Variants in PPME1 observed in about 807,000 individuals in gnomAD.
PPME1 encodes the protein testicular secretory protein Li 39.
A neutral mutation model predicts 56.9 loss-of-function variants in PPME1; 17 were observed. The observed-to-expected ratio is 0.30, with a 90% CI of 0.20 to 0.45. PPME1 has a LOEUF of 0.45. PPME1 is among the 20% of genes least tolerant of loss of function. The pLI, the probability that PPME1 is intolerant of heterozygous loss-of-function variation, is 1.00. For missense variants in PPME1, 357 were observed against 483.2 expected, an observed-to-expected ratio of 0.74 and a Z score of 2.45; for synonymous variants, 122 against 156.2, an observed-to-expected ratio of 0.78 and a Z score of 1.63.
chr11:74,251,914 C>T (rs77599690), intron 13 of PPME1, 199 bp downstream of exon 13: 19,097 of 768,810 alleles, frequency 0.025, 514 homozygotes, highest in African/African-American at 0.11. Context: ...TGTGCTCCCA[C>T]GGGTTGATGC....
chr11:74,212,826 C>A (rs1424260519), intron 3 of PPME1, among the ~76,000 whole-genome samples: 1 of 152,002 alleles, frequency 6.6e-6, no homozygotes, highest in South Asian at 2.1e-4. Context: ...GCCTTTGGGT[C>A]CTGAATAATC....
intron 1 of PPME1, among the ~76,000 whole-genome samples, chr11:74,197,134 A>T (rs529712097): frequency 6.6e-6 from 1 of 152,316 alleles, no homozygotes; most frequent in African/African-American, 2.4e-5. Flanking sequence ...CCTGTACCAC[A>T]GTCTTGATTG....
At chr11:74,171,862 A>G (rs1365034860) in intron 1 of PPME1, among the ~76,000 whole-genome samples, 2 of 152,270 alleles carry the variant, frequency 1.3e-5, no homozygotes, top group Admixed American at 1.3e-4. Flanking sequence ...AGAATCGGCC[A>G]GGGAAGGTGG....
At chr11:74,218,886 A>G (rs1858724560) in intron 3 of PPME1, among the ~76,000 whole-genome samples, 1 of 152,168 alleles carries the variant, frequency 6.6e-6, no homozygotes. Flanking sequence ...AAATGGACAA[A>G]TGGGATCATG....
At chr11:74,188,339 A>G (rs1173784644) in intron 1 of PPME1, among the ~76,000 whole-genome samples, 1 of 151,808 alleles carries the variant, frequency 6.6e-6, no homozygotes, top group East Asian at 1.9e-4. Context: ...GGCGCCTGCC[A>G]CCACACCTGG....
chr11:74,251,534 C>G, intron 12 of PPME1, 114 bp from the exon 13 acceptor site: 1 of 1,510,760 alleles, frequency 6.6e-7, no homozygotes, highest in Non-Finnish European at 8.8e-7. Flanking sequence ...CCACTCAGAC[C>G]TGTGGGTGGG....
intron 1 of PPME1, among the ~76,000 whole-genome samples, chr11:74,180,405 A>G (rs924773335): frequency 1.3e-4 from 20 of 152,178 alleles, no homozygotes; most frequent in Non-Finnish European, 2.4e-4. Context: ...ATCCTGGCCT[A>G]TTTAACCCCG....
At chr11:74,174,821 G>T (rs1214153297) in intron 1 of PPME1, among the ~76,000 whole-genome samples, 2 of 152,148 alleles carry the variant, frequency 1.3e-5, no homozygotes, top group Non-Finnish European at 2.9e-5. Context: ...CTGCATTGTG[G>T]GTAAAGACAT....
intron 1 of PPME1, among the ~76,000 whole-genome samples, chr11:74,175,319 A>G (rs1857376533): frequency 6.6e-6 from 1 of 152,080 alleles, no homozygotes. Flanking sequence ...CCTGACCAAC[A>G]TAGAAAAACA....
At chr11:74,222,197 A>G in intron 3 of PPME1, 115 bp from the exon 4 acceptor site, 1 of 748,878 alleles carries the variant, frequency 1.3e-6, no homozygotes, top group Non-Finnish European at 2.2e-6. Flanking sequence ...AAGTCTTTTG[A>G]TTCTCTTGGG....
At chr11:74,200,080 C>T (rs765175879) in intron 1 of PPME1, among the ~76,000 whole-genome samples, 14 of 152,158 alleles carry the variant, frequency 9.2e-5, no homozygotes, top group Non-Finnish European at 1.3e-4. Flanking sequence ...AAAATTCTTT[C>T]ATTACGACCC....
intron 3 of PPME1, chr11:74,205,204 A>G (rs914391355): frequency 6.6e-6 from 1 of 152,158 alleles, no homozygotes; most frequent in African/African-American, 2.4e-5. Flanking sequence ...TTTTGAAATG[A>G]TTCTTTATAT....
chr11:74,228,184 A>G (rs1434011639), intron 5 of PPME1, among the ~76,000 whole-genome samples: 16 of 150,998 alleles, frequency 1.1e-4, no homozygotes, highest in Non-Finnish European at 1.2e-4. Flanking sequence ...ATTGTATCCA[A>G]TATTGTTTTA....
At chr11:74,248,701 C>G (rs1029905859) in intron 11 of PPME1, 1 of 152,136 alleles carries the variant, frequency 6.6e-6, no homozygotes, top group Non-Finnish European at 1.5e-5. Flanking sequence ...ACATGAGTGC[C>G]ATGAAATTGA....
chr11:74,244,646 C>T lies in PPME1; in HGVS notation c.835-1430C>T, dbSNP rs574569291. On this transcript the variant is annotated intron_variant, in intron 9 of 13. Coordinates refer to ENST00000328257, the MANE Select transcript of PPME1 (RefSeq NM_016147.3). ...TTTTAGTTGCTGAATTGTAGGAGTCCTTTATATATTCTGAATATTAATCCA... is the reference window on the plus strand; with the variant it reads ...TTTTAGTTGCTGAATTGTAGGAGTCTTTTATATATTCTGAATATTAATCCA... Among the ~76,000 whole-genome samples the T allele has an allele frequency of 2.9e-3, 440 of 152,182 alleles. 2 individuals are homozygous for T. The highest frequency in any genetic ancestry group is 0.01 in the African/African-American group (420 of 41,534).
Position 74,216,082 on chromosome 11 carries a change from T to C in PPME1, c.289-6230T>C, listed in dbSNP as rs544854441. Among the ~76,000 whole-genome samples the C allele has an allele frequency of 2.6e-5, 4 of 152,290 alleles. No homozygotes were observed. In the East Asian group the frequency reaches 7.7e-4, roughly 29 times the overall value. The stretch of plus-strand genomic sequence containing the variant: ...AGCTGGAGACTTCAATACCCCACTT[T>C]CAGTGTTGGACAGATAATCGAGATA... On this transcript the variant is annotated intron_variant, in intron 3 of 13. Transcript: ENST00000328257.
intron 13 of PPME1, chr11:74,252,401 G>A (rs367938785): frequency 2.4e-5 from 11 of 454,162 alleles, no homozygotes; most frequent in African/African-American, 2.2e-4. Flanking sequence ...CTGGCCTAGA[G>A]CAGGGTTTTC....
intron 8 of PPME1, among the ~76,000 whole-genome samples, chr11:74,237,275 C>CTTTTTTTTTTTTTTTTTTTT (rs763251745): frequency 1.6e-5 from 2 of 128,032 alleles, no homozygotes; most frequent in African/African-American, 6.5e-5. Context: ...GTCTGGTTGT[C>CTTTTTTTTTTTTTTTTTTTT]TTTTTTTTTT....
intron 1 of PPME1, among the ~76,000 whole-genome samples, chr11:74,194,276 T>G (rs1030572592): frequency 1.3e-5 from 2 of 152,142 alleles, no homozygotes; most frequent in Admixed American, 1.3e-4. Context: ...GAGCTTATGA[T>G]TCTTTGGGAT....
Sources: allele counts gnomAD v4.1 joint callset (sites outside exome capture counted in the v4.1 genomes callset), GRCh38; gene constraint gnomAD v4.1.1; transcripts MANE v1.5; gene names NCBI Gene and HGNC (gene_info 2026-07-23, HGNC 2026-07-21).